The following EYS variants were observed in gnomAD, a reference collection of about 807,000 sequenced individuals.
The protein encoded by EYS is EGF-like photoreceptor maintenance factor.
EYS carries 250 observed loss-of-function variants against 282.1 expected under a neutral mutation model. The observed-to-expected ratio is 0.89, with a 90% CI of 0.80 to 0.98. The LOEUF is 0.98. Ranked by LOEUF, EYS falls within the 50% of genes least tolerant of loss-of-function variation. The pLI is 0.00. For synonymous variants in EYS, 1,355 were observed against 1,282.9 expected (o/e 1.06, Z -1.20); for missense variants, 4,016 against 3,709.0 (o/e 1.08, Z -2.15).
chr6:63,882,327 G>C (rs772287924), intron 35 of EYS, among the ~76,000 whole-genome samples: 1 of 152,018 alleles, frequency 6.6e-6, no homozygotes, highest in African/African-American at 2.4e-5. Flanking sequence ...TTTTTTTCAG[G>C]GATACACCAT....
At chr6:65,040,806 A>G (rs1772911098) in intron 13 of EYS, among the ~76,000 whole-genome samples, 3 of 151,716 alleles carry the variant, frequency 2.0e-5, no homozygotes, top group Non-Finnish European at 3.0e-5. Context: ...CATGGACAGA[A>G]GAGTGTTTGA....
chr6:64,060,947 C>T (rs541125909), intron 33 of EYS, among the ~76,000 whole-genome samples: 21 of 152,160 alleles, frequency 1.4e-4, no homozygotes, highest in Non-Finnish European at 2.9e-4. Context: ...TAAAAAGTGG[C>T]TATTGGAGAT....
At chr6:65,493,048 T>C (rs951280527) in intron 4 of EYS, among the ~76,000 whole-genome samples, 1 of 152,088 alleles carries the variant, frequency 6.6e-6, no homozygotes, top group Non-Finnish European at 1.5e-5. Context: ...CCCGAGTAGC[T>C]GGGATTACAG....
At chr6:64,909,848 G>A (rs1312812672) in intron 16 of EYS, among the ~76,000 whole-genome samples, 3 of 152,064 alleles carry the variant, frequency 2.0e-5, no homozygotes, top group African/African-American at 7.2e-5. Flanking sequence ...CATGCAGTCT[G>A]ACGTAAACCC....
intron 22 of EYS, among the ~76,000 whole-genome samples, chr6:64,635,184 AC>A (rs1562103641): frequency 2.0e-5 from 3 of 152,184 alleles, no homozygotes; most frequent in Admixed American, 6.6e-5. Context: ...GTATCCTGAG[AC>A]TTTGCTGAAG....
At chr6:65,208,249 G>C (rs1582018691) in intron 12 of EYS, among the ~76,000 whole-genome samples, 1 of 151,656 alleles carries the variant, frequency 6.6e-6, no homozygotes, top group African/African-American at 2.4e-5. Flanking sequence ...AAACCAAATT[G>C]AGAAATCTTA....
At chr6:64,957,207 G>T (rs188749895) in intron 14 of EYS, among the ~76,000 whole-genome samples, 142 of 152,286 alleles carry the variant, frequency 9.3e-4, no homozygotes, top group African/African-American at 3.2e-3. Flanking sequence ...TTAAAAAAAT[G>T]CAGTACACAT....
intron 31 of EYS, among the ~76,000 whole-genome samples, chr6:64,145,386 C>G (rs1336653334): frequency 1.3e-5 from 2 of 152,174 alleles, no homozygotes; most frequent in Admixed American, 6.6e-5. Flanking sequence ...TATAGCATTA[C>G]TAAGCAGTGG....
chr6:65,421,096 G>C (rs1767439611), intron 5 of EYS, among the ~76,000 whole-genome samples: 1 of 151,850 alleles, frequency 6.6e-6, no homozygotes, highest in Non-Finnish European at 1.5e-5. Context: ...AGCAAGAGAA[G>C]CAGTCTGTTC....
chr6:65,443,298 A>G (rs886671043), intron 5 of EYS, among the ~76,000 whole-genome samples: 2 of 144,722 alleles, frequency 1.4e-5, no homozygotes, highest in Non-Finnish European at 3.1e-5. Flanking sequence ...ATATATGCAT[A>G]CATGTGTGTA....
At chr6:64,071,373 A>T (rs981237098) in intron 32 of EYS, among the ~76,000 whole-genome samples, 2 of 151,886 alleles carry the variant, frequency 1.3e-5, no homozygotes, top group Non-Finnish European at 2.9e-5. Context: ...TAATTTTCTG[A>T]TGAAATGAAA....
intron 22 of EYS, among the ~76,000 whole-genome samples, chr6:64,668,529 C>T (rs1425956549): frequency 6.8e-6 from 1 of 146,234 alleles, no homozygotes; most frequent in Non-Finnish European, 1.5e-5. Flanking sequence ...AGCCTTCCAG[C>T]TAGTACCACA....
At chr6:63,950,718 C>T (rs141768147) in intron 35 of EYS, among the ~76,000 whole-genome samples, 3,475 of 152,264 alleles carry the variant, frequency 0.023, 125 homozygotes, top group African/African-American at 0.077. Flanking sequence ...GCCCAAGGAA[C>T]ATCTCACCAA....
Position 65,026,916 on chromosome 6 carries a change from C to CAAAAAAAAAAA in EYS, c.2138-29224_2138-29214dup, listed in dbSNP as rs1260312589. ...TGGGCGACAGAGTGAGACTCCGTCT[C>CAAAAAAAAAAA]AAAAAAAAAAAAAAGATTCAGATAT... On this transcript the variant is annotated intron_variant, in intron 13 of 42. Transcript: ENST00000503581. Among the ~76,000 whole-genome samples the CAAAAAAAAAAA allele has an allele frequency of 7.8e-4, 84 of 107,814 alleles. 5 individuals carry two copies. Among genetic ancestry groups the CAAAAAAAAAAA allele is most frequent in the East Asian group, 1.8e-3 (6 of 3,338 alleles). The allele number at this position is 107,814 out of a possible 152,430, so 70.7% of individuals were successfully genotyped here. A position where few individuals can be genotyped will look rare whatever the true frequency, so the allele number is the denominator to read the frequency against.
chr6:64,603,937 C>T (rs565461453), intron 24 of EYS, among the ~76,000 whole-genome samples: 5 of 150,958 alleles, frequency 3.3e-5, no homozygotes, highest in African/African-American at 9.7e-5. Flanking sequence ...AAAAGGTGGC[C>T]AAGCTCTCAA....
intron 33 of EYS, among the ~76,000 whole-genome samples, chr6:64,041,637 G>C (rs1263329381): frequency 2.6e-5 from 4 of 152,154 alleles, no homozygotes; most frequent in African/African-American, 9.7e-5. Context: ...GCTCTTACAT[G>C]TTCAGAAGGC....
chr6:64,441,335 C>G (rs545241645), intron 26 of EYS, among the ~76,000 whole-genome samples: 11 of 152,292 alleles, frequency 7.2e-5, no homozygotes, highest in African/African-American at 2.6e-4. Flanking sequence ...AAACTTTCCA[C>G]TCAGGGGATG....
chr6:64,792,299 T>A lies in EYS; in HGVS notation c.3443+21079A>T, dbSNP rs190936613. Among the ~76,000 whole-genome samples, 801 of 152,112 alleles carry A rather than the reference T, an allele frequency of 5.3e-3. 5 individuals carry two copies. The highest frequency in any genetic ancestry group is 0.027 in the Middle Eastern group (8 of 294). On this transcript the variant is annotated intron_variant, in intron 22 of 42. Transcript: ENST00000503581. The stretch of plus-strand genomic sequence containing the variant: ...AGAAGAATGTGTCTGTAACTCATAA[T>A]GTTCTGGATCAGCATTAGATCATAT...
At chr6:65,661,817 A>T (rs1768010215) in intron 1 of EYS, among the ~76,000 whole-genome samples, 1 of 152,154 alleles carries the variant, frequency 6.6e-6, no homozygotes, top group African/African-American at 2.4e-5. Context: ...GTTTGGTTAG[A>T]GAATAGAATA....
Sources: gnomAD v4.1 joint callset for allele counts (sites outside exome capture counted in the v4.1 genomes callset) on GRCh38, gnomAD v4.1.1 for gene constraint, MANE v1.5 for transcripts, NCBI Gene and HGNC (gene_info 2026-07-23, HGNC 2026-07-21) for gene names.